BPTF: variants seen among roughly 807,000 people sequenced by gnomAD.
The protein encoded by BPTF is bromodomain PHD finger transcription factor, also known as nucleosome-remodeling factor subunit BPTF.
In BPTF, 18 loss-of-function variants were observed where a neutral mutation model predicts 292.5. That is an observed-to-expected ratio of 0.06 (90% CI 0.04 to 0.09). The LOEUF (loss-of-function observed/expected upper bound fraction) is 0.09, where lower values mean the gene tolerates loss of function less well. Among genes scored for constraint, BPTF ranks in the 10% least tolerant of loss-of-function variants. The pLI is 1.00. For missense variants in BPTF, 2,726 were observed against 3,498.7 expected, an observed-to-expected ratio of 0.78 and a Z score of 5.57; for synonymous variants, 1,225 against 1,251.9, an observed-to-expected ratio of 0.98 and a Z score of 0.45.
intron 26 of BPTF, among the ~76,000 whole-genome samples, chr17:67,973,732 C>G (rs1210799747): frequency 6.6e-6 from 1 of 151,998 alleles, no homozygotes; most frequent in Non-Finnish European, 1.5e-5. Context: ...TCTCGGAACT[C>G]ATGACCTTGG....
intron 26 of BPTF, among the ~76,000 whole-genome samples, chr17:67,971,177 C>A (rs1002524941): frequency 5.3e-5 from 8 of 152,170 alleles, no homozygotes; most frequent in Non-Finnish European, 1.0e-4. Flanking sequence ...CTCCCGGGTT[C>A]AAGCAATTCT....
intron 2 of BPTF, among the ~76,000 whole-genome samples, chr17:67,858,555 CAAAA>C (rs561316267): frequency 2.6e-5 from 2 of 77,944 alleles, no homozygotes; most frequent in Non-Finnish European, 4.8e-5. Flanking sequence ...ACTCTGTCTC[CAAAA>C]AAAAAAAAAA....
At chr17:67,885,566 C>T (rs904061019) in intron 4 of BPTF, among the ~76,000 whole-genome samples, 6 of 152,068 alleles carry the variant, frequency 3.9e-5, no homozygotes, top group East Asian at 1.9e-4. Context: ...CTCCAGCCTG[C>T]GCAACAGAGT....
chr17:67,926,142 G>A (rs2063867516), intron 15 of BPTF, among the ~76,000 whole-genome samples: 1 of 148,776 alleles, frequency 6.7e-6, no homozygotes, highest in South Asian at 2.2e-4. Context: ...CAAGTAACTG[G>A]GACTACAGGC....
At chr17:67,959,932 G>T in intron 24 of BPTF, 57 bp downstream of exon 24, 1 of 1,281,576 alleles carries the variant, frequency 7.8e-7, no homozygotes, top group Non-Finnish European at 1.1e-6. Flanking sequence ...CTATTAAATT[G>T]GATTTTGAAG....
In BPTF at chr17:67,929,485, C is replaced by G; in HGVS notation, c.6148C>G (p.Gln2050Glu). 6.2e-7 allele frequency: 1 copy of G among 1,613,868 alleles called. No homozygotes were observed. The highest frequency in any genetic ancestry group is 8.5e-7 in the Non-Finnish European group (1 of 1,179,894). Residue 2050 changes from glutamine (Q) to glutamate (E), a missense_variant and splice_region_variant, in exon 17 of 28, where the codon CAA becomes GAA. Physicochemically the swap from Gln to Glu is conservative, Grantham distance 29. This residue lies in a region of BPTF where 570 missense variants were observed against 633.5 expected (regional missense o/e 0.90). Coordinates refer to ENST00000306378, the MANE Select transcript of BPTF (RefSeq NM_182641.4). ...SGSGGTTSNS[Q>E]VITGPQIRPG... ...CTCTGGAGGAACCACAAGCAATTCA[C>G]AAGTAAGAATTCTTACAGACTTATT...
chr17:67,886,388 TG>T, intron 4 of BPTF: 1 of 1,067,964 alleles, frequency 9.4e-7, no homozygotes, highest in Non-Finnish European at 1.3e-6. Context: ...TGTGTGTGTG[TG>T]TGGTTTTTTG....
At chr17:67,945,315 A>G in intron 20 of BPTF, 94 bp from the exon 21 acceptor site, 8 of 1,526,574 alleles carry the variant, frequency 5.2e-6, no homozygotes, top group Non-Finnish European at 7.0e-6. Context: ...GCCTGGCCAG[A>G]ATTCTCAACT....
chr17:67,885,011 T>C (rs567422246), intron 4 of BPTF, among the ~76,000 whole-genome samples: 1 of 152,364 alleles, frequency 6.6e-6, no homozygotes, highest in Non-Finnish European at 1.5e-5. Flanking sequence ...TTTTCTTTTC[T>C]TTTATGACTG....
chr17:67,922,440 G>C (rs1198244217), intron 13 of BPTF, among the ~76,000 whole-genome samples: 2 of 152,160 alleles, frequency 1.3e-5, no homozygotes, highest in Non-Finnish European at 2.9e-5. Context: ...AGAAGAACAT[G>C]CTAGGCTTTT....
chr17:67,868,685 A>G (rs1259444237), intron 3 of BPTF, among the ~76,000 whole-genome samples: 2 of 152,226 alleles, frequency 1.3e-5, no homozygotes, highest in Non-Finnish European at 2.9e-5. Flanking sequence ...TATCTGCTAT[A>G]CATATAATCC....
intron 3 of BPTF, among the ~76,000 whole-genome samples, chr17:67,867,117 C>A (rs751171899): frequency 3.3e-5 from 5 of 152,188 alleles, no homozygotes; most frequent in Non-Finnish European, 7.4e-5. Context: ...GTATATTTTA[C>A]TTTAGTTCTC....
Position 67,826,077 on chromosome 17 carries a change from G to T in BPTF, c.353G>T (p.Arg118Leu). Residue 118 changes from arginine (R) to leucine (L), a missense_variant, in exon 1 of 28, where the codon CGG (arginine) becomes CTG (leucine). By Grantham distance (102) the Arg-to-Leu change is moderately radical (BLOSUM62 -2). Transcript: ENST00000306378. ...CACCTGGCCCGGACCACCGCGGCCC[G>T]GAGGGCCGTCAACAAAGTGGTGTAC... ...GGHLARTTAA[R>L]RAVNKVVYDD... 1 of 1,291,292 alleles carries T rather than the reference G, an allele frequency of 7.7e-7. No homozygotes were observed. Among genetic ancestry groups the T allele is most frequent in the Non-Finnish European group, 1.1e-6 (1 of 947,054 alleles). The allele number at this position is 1,291,292 out of a possible 1,614,324, so 80.0% of individuals were successfully genotyped here.
intron 27 of BPTF, 145 bp downstream of exon 27, chr17:67,976,103 G>A (rs2069377670): frequency 1.7e-6 from 1 of 590,870 alleles, no homozygotes; most frequent in Non-Finnish European, 2.6e-6. Context: ...AAGACTCCAG[G>A]GTTATGATCT....
intron 23 of BPTF, chr17:67,951,394 G>C (rs1555678445): frequency 6.6e-6 from 1 of 152,178 alleles, no homozygotes; most frequent in Non-Finnish European, 1.5e-5. Flanking sequence ...ATATTTCACA[G>C]TATCACAGGA....
At chr17:67,873,521 G>T (rs2059878533) in intron 3 of BPTF, among the ~76,000 whole-genome samples, 1 of 151,492 alleles carries the variant, frequency 6.6e-6, no homozygotes, top group Non-Finnish European at 1.5e-5. Context: ...GCGTACTCTA[G>T]TTGATAAATT....
chr17:67,886,214 A>G, intron 4 of BPTF: 1 of 1,614,114 alleles, frequency 6.2e-7, no homozygotes, highest in Non-Finnish European at 8.5e-7. Flanking sequence ...TAACAGCAGC[A>G]GTGAACTAAA....
chr17:67,940,827 A>G (rs1342134877), intron 19 of BPTF, among the ~76,000 whole-genome samples, 171 bp downstream of exon 19: 2 of 152,196 alleles, frequency 1.3e-5, no homozygotes, highest in South Asian at 4.1e-4. Context: ...ATAAACCCCA[A>G]CTACTAGAGT....
chr17:67,941,221 C>T (rs1159754348), intron 19 of BPTF, among the ~76,000 whole-genome samples: 1 of 152,082 alleles, frequency 6.6e-6, no homozygotes, highest in African/African-American at 2.4e-5. Flanking sequence ...GAGGCCAGGG[C>T]GGGTGGATTG....
Sources: allele counts gnomAD v4.1 joint callset (sites outside exome capture counted in the v4.1 genomes callset), GRCh38; gene constraint gnomAD v4.1.1; regional missense constraint gnomAD v4.1.1; transcripts MANE v1.5; gene names NCBI Gene and HGNC (gene_info 2026-07-23, HGNC 2026-07-21).